The following PALM2AKAP2 variants were observed in gnomAD, a reference collection of about 807,000 sequenced individuals.
The protein encoded by PALM2AKAP2 is PALM2-AKAP2 fusion protein.
PALM2AKAP2 carries 37 observed loss-of-function variants against 71.5 expected under a neutral mutation model. That is an observed-to-expected ratio of 0.52 (90% confidence interval 0.40 to 0.68). The LOEUF is 0.68. Among genes scored for constraint, PALM2AKAP2 ranks in the 30% least tolerant of loss-of-function variants. The pLI is 0.00. For synonymous variants in PALM2AKAP2, 468 were observed against 478.8 expected (o/e 0.98, Z 0.29); for missense variants, 1,224 against 1,191.8 (o/e 1.03, Z -0.40).
At chr9:109,880,794 T>A in intron 3 of PALM2AKAP2, 113 bp downstream of exon 3, 1 of 1,405,406 alleles carries the variant, frequency 7.1e-7, no homozygotes, top group Non-Finnish European at 9.3e-7. Flanking sequence ...ACTTGAGAAT[T>A]TTCTTCCTAA....
At chr9:110,124,455 T>A (rs1420917277) in intron 1 of PALM2AKAP2, among the ~76,000 whole-genome samples, 2 of 152,246 alleles carry the variant, frequency 1.3e-5, no homozygotes, top group African/African-American at 4.8e-5. Flanking sequence ...CCTGGAATTC[T>A]GACTGACTTT....
chr9:109,685,030 T>C (rs1402890475), intron 1 of PALM2AKAP2, among the ~76,000 whole-genome samples: 1 of 152,204 alleles, frequency 6.6e-6, no homozygotes. Context: ...TTATACTAAG[T>C]AGAGAAACCA....
chr9:109,691,556 G>A (rs909935245), intron 1 of PALM2AKAP2, among the ~76,000 whole-genome samples: 3 of 151,798 alleles, frequency 2.0e-5, no homozygotes, highest in Admixed American at 2.0e-4. Flanking sequence ...CTAACAATTA[G>A]AAAACTCTTA....
intron 1 of PALM2AKAP2, among the ~76,000 whole-genome samples, chr9:109,796,712 G>A (rs1827265687): frequency 6.6e-6 from 1 of 152,178 alleles, no homozygotes; most frequent in Non-Finnish European, 1.5e-5. Flanking sequence ...GTGTGTAGGA[G>A]TAACTGTCAA....
chr9:109,745,277 A>G (rs1245365765), intron 1 of PALM2AKAP2, among the ~76,000 whole-genome samples: 6 of 152,086 alleles, frequency 3.9e-5, no homozygotes, highest in Non-Finnish European at 8.8e-5. Context: ...GCTTGAACCT[A>G]GGAGGCAGAG....
At chr9:109,674,530 T>A (rs1202979901) in intron 1 of PALM2AKAP2, among the ~76,000 whole-genome samples, 2 of 152,114 alleles carry the variant, frequency 1.3e-5, no homozygotes, top group Non-Finnish European at 2.9e-5. Context: ...ATTTTGGGCT[T>A]TGTTAGACTG....
At chr9:109,780,504 T>C (rs763418623) in exon 1 of PALM2AKAP2, 2 of 1,613,634 alleles carry the variant, frequency 1.2e-6, no homozygotes, top group Admixed American at 1.7e-5. Flanking sequence ...AGAGGCGGAA[T>C]TGCACAAGGA....
intron 1 of PALM2AKAP2, among the ~76,000 whole-genome samples, chr9:109,718,914 T>C (rs373890871): frequency 6.6e-6 from 1 of 152,204 alleles, no homozygotes; most frequent in East Asian, 1.9e-4. Flanking sequence ...TCGATTTACA[T>C]TCCCAAATGT....
At chr9:110,091,099 T>A (rs1834695739) in intron 1 of PALM2AKAP2, among the ~76,000 whole-genome samples, 1 of 152,160 alleles carries the variant, frequency 6.6e-6, no homozygotes, top group Non-Finnish European at 1.5e-5. Context: ...CTTGGCACTT[T>A]GCAGGGATTT....
chr9:109,939,344 C>T (rs1165093962), intron 6 of PALM2AKAP2, among the ~76,000 whole-genome samples: 1 of 152,144 alleles, frequency 6.6e-6, no homozygotes, highest in East Asian at 1.9e-4. Flanking sequence ...AAAATTGGAC[C>T]AACAATGATC....
At chr9:110,024,679 G>A (rs1033400495) in intron 7 of PALM2AKAP2, among the ~76,000 whole-genome samples, 2 of 151,940 alleles carry the variant, frequency 1.3e-5, no homozygotes, top group African/African-American at 4.8e-5. Flanking sequence ...AGCTACATGG[G>A]AGGCTGAGGT....
chr9:109,867,476 C>T lies in PALM2AKAP2; in HGVS notation c.46-15C>T. 1 of 1,610,080 alleles carries T rather than the reference C, an allele frequency of 6.2e-7. No homozygotes were observed. The highest frequency in any genetic ancestry group is 8.5e-7 in the Non-Finnish European group (1 of 1,178,796). On this transcript the variant is annotated splice_polypyrimidine_tract_variant and intron_variant, in intron 1 of 9. Coordinates refer to the PALM2AKAP2 transcript ENST00000302798. ...ACCCACCCACTCTTACAGCCTCTGT[C>T]TCTTTATTTTCAAGGAAAAAAGAAA...
chr9:109,797,919 T>G (rs1827310949), intron 1 of PALM2AKAP2, among the ~76,000 whole-genome samples: 1 of 152,208 alleles, frequency 6.6e-6, no homozygotes, highest in South Asian at 2.1e-4. Flanking sequence ...TTATAAAGGT[T>G]CTGTATTAGT....
upstream of PALM2AKAP2, among the ~76,000 whole-genome samples, chr9:109,776,074 C>T (rs1253901814): frequency 6.6e-6 from 1 of 152,136 alleles, no homozygotes; most frequent in Non-Finnish European, 1.5e-5. Context: ...GTTTGGAGGG[C>T]AAATAGTCAC....
chr9:109,890,843 A>G (rs1830072604), intron 3 of PALM2AKAP2, among the ~76,000 whole-genome samples: 2 of 152,216 alleles, frequency 1.3e-5, no homozygotes, highest in South Asian at 4.1e-4. Flanking sequence ...CTTCCTGCAG[A>G]AGCATCTCCC....
chr9:110,021,975 C>G (rs977704880), intron 7 of PALM2AKAP2, among the ~76,000 whole-genome samples: 6 of 152,168 alleles, frequency 3.9e-5, no homozygotes, highest in African/African-American at 1.4e-4. Flanking sequence ...CTGGGGGTGG[C>G]AATGTGAGCC....
At chr9:109,768,840 C>T (rs1486384951) in intron 1 of PALM2AKAP2, among the ~76,000 whole-genome samples, 1 of 152,162 alleles carries the variant, frequency 6.6e-6, no homozygotes, top group Admixed American at 6.5e-5. Context: ...TAAAAATAGA[C>T]CAGGCAAGGT....
chr9:109,783,706 A>T (rs76085644), intron 1 of PALM2AKAP2, among the ~76,000 whole-genome samples: 4,589 of 152,292 alleles, frequency 0.03, 222 homozygotes, highest in African/African-American at 0.11. Context: ...TGACTTGAGG[A>T]TTCATTCATC....
At chr9:109,955,693 A>G (rs1360802759) in intron 6 of PALM2AKAP2, among the ~76,000 whole-genome samples, 1 of 152,170 alleles carries the variant, frequency 6.6e-6, no homozygotes, top group Non-Finnish European at 1.5e-5. Flanking sequence ...TTGATAATTC[A>G]AAGGACTAAT....
Sources: gnomAD v4.1 joint callset for allele counts (sites outside exome capture counted in the v4.1 genomes callset) on GRCh38, gnomAD v4.1.1 for gene constraint, MANE v1.5 for transcripts, NCBI Gene and HGNC (gene_info 2026-07-23, HGNC 2026-07-21) for gene names.